The following LYRM4 variants were observed in gnomAD, a reference collection of about 807,000 sequenced individuals.
LYRM4 encodes the protein LYR motif-containing protein 4.
In LYRM4, 9 loss-of-function variants were observed where a neutral mutation model predicts 11.7. The observed-to-expected ratio is 0.77, with a 90% CI of 0.46 to 1.34. The LOEUF (loss-of-function observed/expected upper bound fraction) is 1.34. Ranked by LOEUF, LYRM4 falls within the 40% of genes most tolerant of loss-of-function variation. The pLI is 0.00. For missense variants in LYRM4, 133 were observed against 112.5 expected, an observed-to-expected ratio of 1.18 and a Z score of -0.82; for synonymous variants, 42 against 40.4, an observed-to-expected ratio of 1.04 and a Z score of -0.15.
chr6:5,084,000 TG>T, the LYRM4 span, among the ~76,000 whole-genome samples: 2 of 151,946 alleles, frequency 1.3e-5, no homozygotes, highest in South Asian at 4.2e-4. Flanking sequence ...CTGGGAGCAG[TG>T]GGGGGCGCCT....
intron 1 of LYRM4, among the ~76,000 whole-genome samples, chr6:5,240,254 C>T (rs1279375089): frequency 6.6e-6 from 1 of 152,046 alleles, no homozygotes; most frequent in Admixed American, 6.5e-5. Flanking sequence ...TTTCCTTTCT[C>T]TTCATTTTTT....
chr6:5,209,630 T>C (rs1761886568), intron 2 of LYRM4, among the ~76,000 whole-genome samples: 1 of 152,216 alleles, frequency 6.6e-6, no homozygotes, highest in South Asian at 2.1e-4. Flanking sequence ...AAAGAACTTC[T>C]ACAAGGCCGG....
chr6:5,090,041 C>CACACACACAA, the LYRM4 span, among the ~76,000 whole-genome samples: 384 of 74,930 alleles, frequency 5.1e-3, no homozygotes, highest in Non-Finnish European at 7.5e-3. The surrounding 1 kb of genome is among the most constrained non-coding windows in gnomAD (Gnocchi z 4.8). Context: ...CACACACACA[C>CACACACACAA]CACACACACA....
At chr6:5,112,267 C>A (rs974872877) in intron 2 of LYRM4, among the ~76,000 whole-genome samples, 2 of 152,234 alleles carry the variant, frequency 1.3e-5, no homozygotes, top group Non-Finnish European at 2.9e-5. Flanking sequence ...CTTCTCCACC[C>A]CCCTGAGAGC....
At chr6:5,187,824 T>A (rs1760505333) in intron 2 of LYRM4, among the ~76,000 whole-genome samples, 1 of 62,056 alleles carries the variant, frequency 1.6e-5, no homozygotes, top group Non-Finnish European at 2.8e-5. Context: ...ATATATATTG[T>A]GTTAGTGGAA....
chr6:5,070,923 G>A, the LYRM4 span, among the ~76,000 whole-genome samples: 1 of 150,376 alleles, frequency 6.6e-6, no homozygotes, highest in African/African-American at 2.5e-5. Context: ...TGGGTGCGGT[G>A]GCTCACACCT....
At chr6:5,050,564 T>G in the LYRM4 span, among the ~76,000 whole-genome samples, 1 of 152,188 alleles carries the variant, frequency 6.6e-6, no homozygotes, top group Non-Finnish European at 1.5e-5. Context: ...ATTACCCTTT[T>G]GGAATAAAAT....
chr6:5,231,985 A>C (rs1392193901), intron 1 of LYRM4, among the ~76,000 whole-genome samples: 1 of 152,192 alleles, frequency 6.6e-6, no homozygotes, highest in African/African-American at 2.4e-5. Flanking sequence ...GAGACTGAAT[A>C]AAATTGAGCA....
chr6:5,119,260 A>T (rs1326175969), intron 2 of LYRM4, among the ~76,000 whole-genome samples: 1 of 152,184 alleles, frequency 6.6e-6, no homozygotes, highest in Non-Finnish European at 1.5e-5. Flanking sequence ...TTAATAATTA[A>T]TATGTTTCGT....
chr6:5,198,900 AAAAC>A (rs1194943711), intron 2 of LYRM4, among the ~76,000 whole-genome samples: 1 of 152,216 alleles, frequency 6.6e-6, no homozygotes, highest in African/African-American at 2.4e-5. Context: ...ACGACAGAAA[AAAAC>A]AAGTGTTTAC....
At chr6:5,171,363 C>T (rs140989729) in intron 2 of LYRM4, among the ~76,000 whole-genome samples, 1 of 152,332 alleles carries the variant, frequency 6.6e-6, no homozygotes, top group East Asian at 1.9e-4. Flanking sequence ...TCCATCCCTC[C>T]AGCTCCTATG....
chr6:5,150,625 G>T (rs574455610), intron 2 of LYRM4, among the ~76,000 whole-genome samples: 1 of 152,252 alleles, frequency 6.6e-6, no homozygotes, highest in East Asian at 1.9e-4. Context: ...ACCTTGAAAA[G>T]CATCTGAGAT....
the LYRM4 span, among the ~76,000 whole-genome samples, chr6:5,063,442 C>A: frequency 6.6e-6 from 1 of 152,184 alleles, no homozygotes. Flanking sequence ...GCCCCTCCCC[C>A]AGGCCTATCC....
intron 1 of LYRM4, among the ~76,000 whole-genome samples, chr6:5,240,247 C>T (rs953563065): frequency 6.6e-6 from 1 of 152,076 alleles, no homozygotes; most frequent in Non-Finnish European, 1.5e-5. Flanking sequence ...TCCTATCTTT[C>T]CTTTCTCTTC....
intron 1 of LYRM4, among the ~76,000 whole-genome samples, chr6:5,237,236 C>T (rs1763602866): frequency 6.6e-6 from 1 of 152,162 alleles, no homozygotes; most frequent in Non-Finnish European, 1.5e-5. Flanking sequence ...GCTCACAATA[C>T]CACCTGAGCT....
intron 2 of LYRM4, among the ~76,000 whole-genome samples, chr6:5,158,681 C>A (rs753584173): frequency 6.6e-6 from 1 of 152,018 alleles, no homozygotes; most frequent in Non-Finnish European, 1.5e-5. Context: ...CTATGTTGCC[C>A]AGGCTGGTCT....
At chr6:5,248,060 T>A (rs1048520149) in intron 1 of LYRM4, among the ~76,000 whole-genome samples, 1 of 152,246 alleles carries the variant, frequency 6.6e-6, no homozygotes, top group Non-Finnish European at 1.5e-5. Context: ...GAAGTGATAC[T>A]GTACACAAAG....
intron 2 of LYRM4, among the ~76,000 whole-genome samples, chr6:5,143,392 G>A (rs1479785461): frequency 6.6e-6 from 1 of 152,200 alleles, no homozygotes; most frequent in African/African-American, 2.4e-5. Flanking sequence ...AGTTTTACTG[G>A]CAATGTGAAT....
chr6:5,082,798 C>T, the LYRM4 span, among the ~76,000 whole-genome samples: 3 of 152,320 alleles, frequency 2.0e-5, no homozygotes, highest in East Asian at 3.9e-4. Flanking sequence ...TCCTCAGCTC[C>T]GCCAGTTCCT....
Sources: gnomAD v4.1 joint callset for allele counts (sites outside exome capture counted in the v4.1 genomes callset) on GRCh38, gnomAD v4.1.1 for gene constraint, Gnocchi (gnomAD v3.1) non-coding constraint, MANE v1.5 for transcripts, NCBI Gene and HGNC (gene_info 2026-07-23, HGNC 2026-07-21) for gene names.